Variants in MPP7 observed in about 807,000 individuals in gnomAD.
MPP7 encodes the protein MAGUK p55 scaffold protein 7, also known as MAGUK p55 subfamily member 7.
MPP7 carries 60 observed loss-of-function variants against 76.5 expected under a neutral mutation model. The ratio of observed to expected loss-of-function variants is 0.78; its 90% CI spans 0.64 to 0.97. The LOEUF (loss-of-function observed/expected upper bound fraction) is 0.97. MPP7 is among the 50% of genes least tolerant of loss of function. MPP7 has a pLI of 0.00. For missense variants in MPP7, 641 were observed against 694.0 expected (o/e 0.92, Z 0.86); for synonymous variants, 237 against 244.5 (o/e 0.97, Z 0.29).
chr10:28,212,388 C>G (rs1838168252), intron 2 of MPP7, among the ~76,000 whole-genome samples: 1 of 152,078 alleles, frequency 6.6e-6, no homozygotes, highest in South Asian at 2.1e-4. Flanking sequence ...AACATAACTC[C>G]AACAGTTTTT....
rs1219694264 is a variant in MPP7, at chr10:28,165,097, G to A, written c.157-15038C>T. Among the ~76,000 whole-genome samples, 8 of 152,044 alleles carry A rather than the reference G, an allele frequency of 5.3e-5. No homozygotes were observed. The East Asian group carries it at 7.7e-4, about 15-fold the overall frequency. The stretch of plus-strand genomic sequence containing the variant: ...TCCAAATGAACACAGAGATCCCACC[G>A]TTCCCAGCTGCAGCAACAATAATAG... On this transcript the variant is annotated intron_variant, in intron 3 of 16. Transcript: ENST00000683449.
At chr10:28,253,003 G>A (rs958365292) in intron 1 of MPP7, among the ~76,000 whole-genome samples, 4 of 152,078 alleles carry the variant, frequency 2.6e-5, no homozygotes, top group African/African-American at 9.7e-5. Flanking sequence ...TGCCTCCCTG[G>A]TTCAAGCGAT....
intron 2 of MPP7, among the ~76,000 whole-genome samples, chr10:28,314,707 T>A (rs1277516228): frequency 6.6e-6 from 1 of 152,214 alleles, no homozygotes; most frequent in Non-Finnish European, 1.5e-5. Context: ...TCCTTATTAA[T>A]AATTTATGTG....
chr10:28,287,057 T>C (rs1840805465), intron 1 of MPP7, among the ~76,000 whole-genome samples: 1 of 152,186 alleles, frequency 6.6e-6, no homozygotes, highest in Non-Finnish European at 1.5e-5. Context: ...AGAATATCAT[T>C]TTTACATGAA....
intron 2 of MPP7, among the ~76,000 whole-genome samples, chr10:28,229,555 G>A (rs913354121): frequency 5.3e-5 from 8 of 152,092 alleles, no homozygotes; most frequent in African/African-American, 1.9e-4. Context: ...AAAGAAAATG[G>A]TAATATGTGA....
chr10:28,315,368 G>A lies in MPP7; in HGVS notation c.-132+14561C>T, dbSNP rs144458506. Among the ~76,000 whole-genome samples the A allele has an allele frequency of 1.9e-3, 290 of 151,566 alleles. 1 individual carries two copies. Among genetic ancestry groups the A allele is most frequent in the African/African-American group, 6.7e-3 (278 of 41,334 alleles). ...AGGGAAGGAGGGAGGAAGGAGGGAA[G>A]GAAGGAAGAGAGGGAGGGAGGGAAG... On this transcript the variant is annotated intron_variant, in intron 2 of 11. Transcript: ENST00000441595.
At chr10:28,229,644 C>T (rs368023790) in intron 2 of MPP7, among the ~76,000 whole-genome samples, 32 of 152,086 alleles carry the variant, frequency 2.1e-4, no homozygotes, top group African/African-American at 7.5e-4. Flanking sequence ...AATCCCAGCA[C>T]TTTGGGAGGC....
chr10:28,140,247 C>G (rs1254238135), intron 5 of MPP7, among the ~76,000 whole-genome samples: 2 of 152,132 alleles, frequency 1.3e-5, no homozygotes, highest in African/African-American at 4.8e-5. Context: ...GCGATGGCTA[C>G]CGCCTATAAT....
In MPP7 at chr10:28,182,862, G is replaced by A. The variant is rs1343643287; in HGVS notation, c.156+19291C>T. On this transcript the variant is annotated intron_variant, in intron 3 of 16. Transcript: ENST00000683449. ...GGAGGCCAAGGCGGGTGGATCACCT[G>A]AGGTCAGGAGTTCGAGACCATCCTG... Among the ~76,000 whole-genome samples the A allele has an allele frequency of 2.6e-5, 4 of 152,340 alleles. No homozygotes were observed. The East Asian group carries it at 7.7e-4, about 29-fold the overall frequency.
rs550838317 is a variant in MPP7 at position 28,179,106 on chromosome 10, G to C, written c.156+23047C>G. On this transcript the variant is annotated intron_variant, in intron 3 of 16. Coordinates refer to ENST00000683449, the MANE Select transcript of MPP7 (RefSeq NM_001318170.2). ...GTCCATTGGATCCAACCATTACAAC[G>C]ACTGGGGTGCAGATAAAGAACTCCT... Among the ~76,000 whole-genome samples, 62 of 152,154 alleles carry C rather than the reference G, an allele frequency of 4.1e-4. No individual in the cohort carries two copies. In the South Asian group the frequency reaches 5.6e-3, roughly 14 times the overall value.
chr10:28,232,557 G>A (rs1669981598), intron 2 of MPP7, among the ~76,000 whole-genome samples: 1 of 152,200 alleles, frequency 6.6e-6, no homozygotes, highest in Non-Finnish European at 1.5e-5. Context: ...TTTTCCCCTG[G>A]ATTCTATAAT....
At chr10:28,161,316 G>C (rs1395584926) in intron 3 of MPP7, among the ~76,000 whole-genome samples, 1 of 152,038 alleles carries the variant, frequency 6.6e-6, no homozygotes, top group African/African-American at 2.4e-5. Flanking sequence ...ATATACTGTA[G>C]CATGTCCAAA....
chr10:28,255,443 G>A (rs1839754481), intron 1 of MPP7, among the ~76,000 whole-genome samples: 1 of 145,904 alleles, frequency 6.9e-6, no homozygotes, highest in African/African-American at 2.5e-5. Flanking sequence ...CTGCAACGGA[G>A]TCTCACTGTC....
intron 11 of MPP7, among the ~76,000 whole-genome samples, chr10:28,102,579 C>T (rs77749617): frequency 0.012 from 1,840 of 152,192 alleles, 51 homozygotes; most frequent in East Asian, 0.11. Context: ...CAACTCAATA[C>T]GCCTCAAATG....
At chr10:28,272,654 T>C (rs1840362707) in intron 1 of MPP7, among the ~76,000 whole-genome samples, 1 of 152,070 alleles carries the variant, frequency 6.6e-6, no homozygotes, top group Non-Finnish European at 1.5e-5. Context: ...ATTAACTGAG[T>C]TTTCATAAAG....
intron 14 of MPP7, 130 bp from the exon 15 acceptor site, chr10:28,058,733 A>ACAGAGC: frequency 2.2e-6 from 1 of 454,902 alleles, no homozygotes; most frequent in Non-Finnish European, 3.9e-6. Context: ...AATAATATAA[A>ACAGAGC]CAGAGCCAAG....
intron 3 of MPP7, among the ~76,000 whole-genome samples, chr10:28,182,741 T>G (rs1243821585): frequency 6.6e-6 from 1 of 152,226 alleles, no homozygotes; most frequent in East Asian, 1.9e-4. Flanking sequence ...CCTATTTATA[T>G]CACCATAAAT....
At chr10:28,262,212 T>TATATATAC (rs1839987501) in intron 1 of MPP7, among the ~76,000 whole-genome samples, 3 of 57,544 alleles carry the variant, frequency 5.2e-5, no homozygotes, top group African/African-American at 2.6e-4. Context: ...TATATACATA[T>TATATATAC]ATATATATAT....
At chr10:28,239,838 C>T (rs946784453) in intron 1 of MPP7, among the ~76,000 whole-genome samples, 1 of 152,042 alleles carries the variant, frequency 6.6e-6, no homozygotes, top group African/African-American at 2.4e-5. Context: ...CCTTAACTTC[C>T]TTATATGCAA....
Sources: allele counts gnomAD v4.1 joint callset (sites outside exome capture counted in the v4.1 genomes callset), GRCh38; gene constraint gnomAD v4.1.1; transcripts MANE v1.5; gene names NCBI Gene and HGNC (gene_info 2026-07-23, HGNC 2026-07-21).